Variants in FAF1 observed in about 807,000 individuals in gnomAD.
FAF1 encodes FAS-associated factor 1.
In FAF1, 25 loss-of-function variants were observed where a neutral mutation model predicts 92.5. The observed-to-expected ratio is 0.27, with a 90% CI of 0.20 to 0.38. The LOEUF is 0.38. FAF1 is among the 10% of genes least tolerant of loss of function. The pLI is 1.00. For synonymous variants in FAF1, 234 were observed against 273.2 expected (o/e 0.86, Z 1.42); for missense variants, 636 against 793.3 (o/e 0.80, Z 2.38).
intron 4 of FAF1, among the ~76,000 whole-genome samples, chr1:50,786,446 T>A (rs1444615694): frequency 6.6e-6 from 1 of 152,146 alleles, no homozygotes; most frequent in East Asian, 1.9e-4. Flanking sequence ...GCCAGGAGTT[T>A]GAGGGAGGGG....
At chr1:50,928,588 C>T (rs1303679709) in intron 1 of FAF1, among the ~76,000 whole-genome samples, 3 of 150,996 alleles carry the variant, frequency 2.0e-5, no homozygotes, top group Non-Finnish European at 4.4e-5. Flanking sequence ...TCGAGACCAG[C>T]CTGGCCAACA....
intron 15 of FAF1, among the ~76,000 whole-genome samples, chr1:50,519,278 G>A (rs2149028700): frequency 6.6e-6 from 1 of 151,088 alleles, no homozygotes; most frequent in South Asian, 2.1e-4. Flanking sequence ...GCAGTGAGTC[G>A]AGACCACGCC....
chr1:50,827,443 G>C (rs1399238350), intron 2 of FAF1, among the ~76,000 whole-genome samples: 1 of 152,132 alleles, frequency 6.6e-6, no homozygotes, highest in Non-Finnish European at 1.5e-5. Flanking sequence ...TGCTCCTTAA[G>C]AGTCATCACC....
chr1:50,683,775 A>G (rs1192754071), intron 7 of FAF1, among the ~76,000 whole-genome samples: 2 of 151,922 alleles, frequency 1.3e-5, no homozygotes, highest in Non-Finnish European at 2.9e-5. Flanking sequence ...TCTACTAAAA[A>G]TACAAAATTA....
chr1:50,752,914 C>T (rs1240272550), intron 4 of FAF1, among the ~76,000 whole-genome samples: 6 of 152,070 alleles, frequency 3.9e-5, no homozygotes, highest in Non-Finnish European at 5.9e-5. Flanking sequence ...GAACTCCTGA[C>T]CTGAAGTGTT....
At chr1:50,739,459 C>T (rs1219578292) in intron 5 of FAF1, among the ~76,000 whole-genome samples, 3 of 151,998 alleles carry the variant, frequency 2.0e-5, no homozygotes, top group African/African-American at 7.2e-5. Flanking sequence ...CACACATACA[C>T]ATATATAAAA....
At chr1:50,844,037 T>C (rs1285188229) in intron 2 of FAF1, among the ~76,000 whole-genome samples, 1 of 152,156 alleles carries the variant, frequency 6.6e-6, no homozygotes, top group Non-Finnish European at 1.5e-5. Flanking sequence ...TCCACCAGCA[T>C]TTGTCATTTT....
intron 4 of FAF1, among the ~76,000 whole-genome samples, chr1:50,784,312 T>A (rs61782362): frequency 1.3e-5 from 2 of 151,814 alleles, no homozygotes; most frequent in East Asian, 3.8e-4. Context: ...AAAAAAAACT[T>A]AGAACTAATA....
At position 50,496,544 on chromosome 1, in the gene FAF1, C is replaced by A. The variant is rs550830284; in HGVS notation, c.1495-4743G>T. On this transcript the variant is annotated intron_variant, in intron 15 of 18. Transcript: ENST00000396153. ...TTATCCATCTTGATAATCCAGAAGCCCCACTGTGACCAGAGATCTCATTTT... is the reference window on the plus strand; with the variant it reads ...TTATCCATCTTGATAATCCAGAAGCACCACTGTGACCAGAGATCTCATTTT... Among the ~76,000 whole-genome samples, 5 of 152,104 alleles carry A rather than the reference C, an allele frequency of 3.3e-5. No individual in the cohort carries two copies. The South Asian group carries it at 1.0e-3, about 32-fold the overall frequency.
Position 50,698,114 on chromosome 1 carries a change from T to G in FAF1, c.657+7672A>C, listed in dbSNP as rs61781029. On this transcript the variant is annotated intron_variant, in intron 7 of 18. Coordinates refer to ENST00000396153, the MANE Select transcript of FAF1 (RefSeq NM_007051.3). ...CCAGCTTATATTTATGAGCACTTTATATTCACTTACCCATCCTTTGGTTTA... is the reference window on the plus strand; with the variant it reads ...CCAGCTTATATTTATGAGCACTTTAGATTCACTTACCCATCCTTTGGTTTA... Among the ~76,000 whole-genome samples, 1,268 of 152,262 alleles carry G rather than the reference T, an allele frequency of 8.3e-3. 11 individuals are homozygous for G. Among genetic ancestry groups the G allele is most frequent in the Non-Finnish European group, 9.3e-3 (634 of 68,002 alleles).
intron 2 of FAF1, among the ~76,000 whole-genome samples, chr1:50,821,661 G>A (rs1644044107): frequency 6.6e-6 from 1 of 152,088 alleles, no homozygotes; most frequent in African/African-American, 2.4e-5. Context: ...CTGGTAAAAC[G>A]GAAGTGGATA....
In FAF1 at chr1:50,932,388, G is replaced by A. The variant is rs377365751; in HGVS notation, c.45+27379C>T. On this transcript the variant is annotated intron_variant, in intron 1 of 18. Coordinates refer to ENST00000396153, the MANE Select transcript of FAF1 (RefSeq NM_007051.3). ...GTAAACACAGCCATTCTACATGGGA[G>A]AAATTAGCCAAAACAAAGGGGTTAC... Among the ~76,000 whole-genome samples, 18 of 152,306 alleles carry A rather than the reference G, an allele frequency of 1.2e-4. 1 individual carries two copies. The East Asian group carries it at 1.7e-3, about 15-fold the overall frequency.
At chr1:50,603,481 T>A (rs915045777) in intron 8 of FAF1, among the ~76,000 whole-genome samples, 7 of 152,232 alleles carry the variant, frequency 4.6e-5, no homozygotes, top group African/African-American at 1.7e-4. Context: ...CCCTTTTAAA[T>A]TTTCAGATGC....
At chr1:50,806,294 T>C (rs970862668) in intron 2 of FAF1, among the ~76,000 whole-genome samples, 1 of 152,126 alleles carries the variant, frequency 6.6e-6, no homozygotes, top group African/African-American at 2.4e-5. Flanking sequence ...ATCAAACAAA[T>C]ACAAGCTAAA....
chr1:50,570,202 G>A (rs1381397104), intron 12 of FAF1, among the ~76,000 whole-genome samples: 1 of 152,116 alleles, frequency 6.6e-6, no homozygotes, highest in East Asian at 1.9e-4. Flanking sequence ...ACAAAGCCTA[G>A]GAAGATTAAA....
chr1:50,942,454 GA>G (rs1645141237), intron 1 of FAF1, among the ~76,000 whole-genome samples: 1 of 152,146 alleles, frequency 6.6e-6, no homozygotes, highest in African/African-American at 2.4e-5. Flanking sequence ...TAAGGAAGGG[GA>G]GGGGAGGGAA....
intron 8 of FAF1, among the ~76,000 whole-genome samples, chr1:50,654,120 A>C (rs1390763039): frequency 6.6e-6 from 1 of 152,230 alleles, no homozygotes; most frequent in Non-Finnish European, 1.5e-5. Context: ...TCTGTCTTCC[A>C]CAAAGAATTC....
intron 6 of FAF1, among the ~76,000 whole-genome samples, chr1:50,713,566 G>A (rs1056992660): frequency 1.3e-5 from 2 of 151,106 alleles, no homozygotes; most frequent in Admixed American, 6.6e-5. Flanking sequence ...GAGCCATCGC[G>A]TCCGGCCAAA....
intron 4 of FAF1, chr1:50,780,959 A>G: frequency 2.1e-6 from 1 of 483,746 alleles, no homozygotes; most frequent in Non-Finnish European, 4.1e-6. Flanking sequence ...CAGGAACAGG[A>G]GGTCATCATC....
Sources: allele counts gnomAD v4.1 joint callset (sites outside exome capture counted in the v4.1 genomes callset), GRCh38; gene constraint gnomAD v4.1.1; transcripts MANE v1.5; gene names NCBI Gene and HGNC (gene_info 2026-07-23, HGNC 2026-07-21).